DNAJC5B: variants seen among roughly 807,000 people sequenced by gnomAD.
The protein encoded by DNAJC5B is dnaJ homolog subfamily C member 5B.
A neutral mutation model predicts 24.7 loss-of-function variants in DNAJC5B; 23 were observed. The ratio of observed to expected loss-of-function variants is 0.93; its 90% CI spans 0.67 to 1.32. The LOEUF is 1.32. Ranked by LOEUF, DNAJC5B falls within the 40% of genes most tolerant of loss-of-function variation. The probability of loss-of-function intolerance (pLI) is 0.00; values close to 1 mark genes in which losing one functional copy is unlikely to be tolerated. For synonymous variants in DNAJC5B, 101 were observed against 90.1 expected (o/e 1.12, Z -0.68); for missense variants, 238 against 240.8 (o/e 0.99, Z 0.08).
intron 2 of DNAJC5B, among the ~76,000 whole-genome samples, chr8:66,049,104 A>G (rs1004116702): frequency 2.6e-5 from 4 of 152,258 alleles, no homozygotes; most frequent in Non-Finnish European, 5.9e-5. Context: ...GCTTCTGAAT[A>G]AATACTGTCA....
At chr8:66,036,745 AT>A (rs950594378) in intron 1 of DNAJC5B, among the ~76,000 whole-genome samples, 10 of 151,994 alleles carry the variant, frequency 6.6e-5, no homozygotes, top group East Asian at 1.9e-4. Context: ...TGGTACCCAA[AT>A]TTTTTTTTCT....
At chr8:66,051,714 T>C in intron 3 of DNAJC5B, 48 bp downstream of exon 3, 1 of 1,409,384 alleles carries the variant, frequency 7.1e-7, no homozygotes, top group Non-Finnish European at 9.9e-7. Context: ...TGAGTTATTT[T>C]GTGACTGGCA....
intron 1 of DNAJC5B, among the ~76,000 whole-genome samples, chr8:66,037,469 C>T (rs1359940880): frequency 6.6e-6 from 1 of 152,032 alleles, no homozygotes; most frequent in African/African-American, 2.4e-5. Flanking sequence ...CAGAGGTGGG[C>T]AGCAGAGGGA....
chr8:66,020,639 TG>T (rs1187737194), upstream of DNAJC5B, among the ~76,000 whole-genome samples: 2 of 119,446 alleles, frequency 1.7e-5, no homozygotes, highest in Non-Finnish European at 3.3e-5. Flanking sequence ...TGTGTGTGTG[TG>T]TGTGTGTGTG....
chr8:66,071,948 G>C (rs932802324), intron 3 of DNAJC5B, among the ~76,000 whole-genome samples: 4 of 148,854 alleles, frequency 2.7e-5, no homozygotes, highest in Non-Finnish European at 5.9e-5. Context: ...CTATCACAAG[G>C]ACAGAAAACC....
chr8:66,055,548 A>G (rs538495870), intron 3 of DNAJC5B, among the ~76,000 whole-genome samples: 15 of 152,380 alleles, frequency 9.8e-5, no homozygotes, highest in African/African-American at 2.9e-4. Context: ...TATATAAAAA[A>G]GTCTTTCTCT....
chr8:66,019,486 T>C (rs1806052523), upstream of DNAJC5B, among the ~76,000 whole-genome samples: 1 of 152,236 alleles, frequency 6.6e-6, no homozygotes, highest in African/African-American at 2.4e-5. Context: ...CTTCAAGGTA[T>C]TGGGACCAAA....
intron 3 of DNAJC5B, among the ~76,000 whole-genome samples, chr8:66,066,451 T>C (rs1302734755): frequency 2.0e-5 from 3 of 152,286 alleles, no homozygotes; most frequent in East Asian, 3.9e-4. Context: ...GCAGCACAAT[T>C]CATGATTGCA....
At chr8:66,015,039 T>C in the DNAJC5B span, among the ~76,000 whole-genome samples, 2 of 152,158 alleles carry the variant, frequency 1.3e-5, no homozygotes, top group African/African-American at 4.8e-5. Flanking sequence ...TCCAAACGCT[T>C]GCTTTCCTGT....
At chr8:66,067,029 T>G (rs1199779164) in intron 3 of DNAJC5B, among the ~76,000 whole-genome samples, 1 of 152,072 alleles carries the variant, frequency 6.6e-6, no homozygotes, top group African/African-American at 2.4e-5. Flanking sequence ...TAACAGCATG[T>G]AAGGCCTTTG....
chr8:66,087,788 G>A (rs544980966), intron 5 of DNAJC5B, among the ~76,000 whole-genome samples: 1 of 152,298 alleles, frequency 6.6e-6, no homozygotes, highest in African/African-American at 2.4e-5. Flanking sequence ...GCAAGAGGTG[G>A]GCCCTCACAG....
At chr8:66,075,117 A>C (rs1586103264) in intron 3 of DNAJC5B, among the ~76,000 whole-genome samples, 1 of 152,006 alleles carries the variant, frequency 6.6e-6, no homozygotes, top group Non-Finnish European at 1.5e-5. Flanking sequence ...CCCAGGCTGG[A>C]GTGCAGTGAT....
chr8:66,054,855 G>A (rs1806929086), intron 3 of DNAJC5B, among the ~76,000 whole-genome samples: 1 of 152,168 alleles, frequency 6.6e-6, no homozygotes, highest in Non-Finnish European at 1.5e-5. Flanking sequence ...TTTGACTGAA[G>A]GCTTCAGGCT....
At chr8:66,087,795 A>C (rs1399576446) in intron 5 of DNAJC5B, among the ~76,000 whole-genome samples, 1 of 152,198 alleles carries the variant, frequency 6.6e-6, no homozygotes, top group Non-Finnish European at 1.5e-5. Flanking sequence ...GTGGGCCCTC[A>C]CAGCCTTGGG....
rs1330888174 is a variant in DNAJC5B at position 66,099,974 on chromosome 8, A to C, written c.543A>C (p.Ala181=). The change falls in exon 6 of 6, where the codon GCA becomes GCC. Residue 181 remains alanine, a synonymous_variant. Coordinates refer to ENST00000276570, the MANE Select transcript of DNAJC5B (RefSeq NM_033105.6). ...CAGTTTTTCTCCAGCCTACAAATGCAAATGAGAAAACACAGCTAATCAAAG... is the reference window on the plus strand; with the variant it reads ...CAGTTTTTCTCCAGCCTACAAATGCCAATGAGAAAACACAGCTAATCAAAG... The part of the protein sequence containing the change: ...DFPVFLQPTN[A]NEKTQLIKEG... 1.9e-6 allele frequency: 3 copies of C among 1,613,952 alleles called. No homozygotes were observed. Among genetic ancestry groups the C allele is most frequent in the Non-Finnish European group, 2.5e-6 (3 of 1,179,948 alleles).
chr8:66,053,276 T>G (rs1181089018), intron 3 of DNAJC5B, among the ~76,000 whole-genome samples: 2 of 152,180 alleles, frequency 1.3e-5, no homozygotes, highest in Non-Finnish European at 2.9e-5. Context: ...CATATAGTTT[T>G]AAGTAGATGA....
chr8:66,045,618 G>T (rs1346117298), intron 2 of DNAJC5B, among the ~76,000 whole-genome samples: 1 of 151,742 alleles, frequency 6.6e-6, no homozygotes, highest in Non-Finnish European at 1.5e-5. Context: ...AAGGCCTGGG[G>T]CAGAGAAAGA....
intron 3 of DNAJC5B, among the ~76,000 whole-genome samples, chr8:66,059,560 A>G (rs141247864): frequency 6.6e-6 from 1 of 152,288 alleles, no homozygotes; most frequent in Non-Finnish European, 1.5e-5. Flanking sequence ...TGAAATAAGA[A>G]ACTCAAAGCT....
At position 66,065,545 on chromosome 8, in the gene DNAJC5B, A is replaced by G. The variant is rs1018102151; in HGVS notation, c.120-11115A>G. Reference sequence around the variant, plus strand: ...CTGGCCCAGTGGCTCCTGAGTCCCTAAGCCCTGCTAGCATTCTCAGCCACA... The same window carrying G: ...CTGGCCCAGTGGCTCCTGAGTCCCTGAGCCCTGCTAGCATTCTCAGCCACA... On this transcript the variant is annotated intron_variant, in intron 3 of 5. Transcript: ENST00000276570. 5.9e-5 allele frequency among the ~76,000 whole-genome samples: 9 copies of G among 152,176 alleles called. No individual in the cohort carries two copies. The South Asian group carries it at 1.7e-3, about 28-fold the overall frequency.
Sources: allele counts gnomAD v4.1 joint callset (sites outside exome capture counted in the v4.1 genomes callset), GRCh38; gene constraint gnomAD v4.1.1; transcripts MANE v1.5; gene names NCBI Gene and HGNC (gene_info 2026-07-23, HGNC 2026-07-21).